Variants in TRAF5 observed in about 807,000 individuals in gnomAD.
TRAF5 encodes the protein TNF receptor-associated factor 5.
Under a neutral mutation model 64.5 loss-of-function variants are expected in TRAF5, and 48 were observed. The observed-to-expected ratio is 0.74, with a 90% confidence interval of 0.59 to 0.95. The LOEUF (loss-of-function observed/expected upper bound fraction) is 0.95, where lower values mean the gene tolerates loss of function less well. TRAF5 is among the 40% of genes least tolerant of loss of function. TRAF5 has a pLI of 0.00. For synonymous variants in TRAF5, 206 were observed against 240.5 expected (o/e 0.86, Z 1.33); for missense variants, 545 against 662.8 (o/e 0.82, Z 1.95).
At chr1:211,348,661 G>T (rs1484023722) in intron 1 of TRAF5, among the ~76,000 whole-genome samples, 1 of 152,106 alleles carries the variant, frequency 6.6e-6, no homozygotes, top group African/African-American at 2.4e-5. Context: ...TGTGAAGGGT[G>T]TCAGGTCTGT....
At position 211,373,433 on chromosome 1, in the gene TRAF5, A is replaced by T. The variant is rs552177351; in HGVS notation, c.*731A>T. 6.6e-6 allele frequency: 1 copy of T among 152,304 alleles called. No individual in the cohort carries two copies. The highest frequency in any genetic ancestry group is 6.5e-5 in the Admixed American group (1 of 15,292). 9.4% of individuals were successfully genotyped at this position (152,304 alleles called of 1,614,324 possible). On this transcript the variant is annotated 3_prime_UTR_variant, in exon 11 of 11. Transcript: ENST00000261464. Reference sequence around the variant, plus strand: ...TGTTAGGTTCAACCCTATGAAAAAAACTATTTTCATAGGTCAAAAATGGTA... The same window carrying T: ...TGTTAGGTTCAACCCTATGAAAAAATCTATTTTCATAGGTCAAAAATGGTA...
At chr1:211,360,228 G>C in intron 5 of TRAF5, 152 bp downstream of exon 5, 1 of 774,948 alleles carries the variant, frequency 1.3e-6, no homozygotes, top group African/African-American at 1.8e-5. Flanking sequence ...GAGAAGTTCT[G>C]TGAAAAGCTT....
At chr1:211,360,265 T>C (rs1703132244) in intron 5 of TRAF5, 189 bp downstream of exon 5, 1 of 603,304 alleles carries the variant, frequency 1.7e-6, no homozygotes, top group Admixed American at 3.0e-5. Flanking sequence ...TAGCACTCCA[T>C]TTATTATTGG....
In TRAF5 at chr1:211,359,996, G is replaced by C; in HGVS notation, c.463G>C (p.Glu155Gln). The C allele has an allele frequency of 6.2e-6, 10 of 1,614,096 alleles. No individual in the cohort carries two copies. Among genetic ancestry groups the C allele is most frequent in the Non-Finnish European group, 8.5e-6 (10 of 1,179,966 alleles). The stretch of plus-strand genomic sequence containing the variant: ...GCCAGTCCTACGGAAAGACCTGAAA[G>C]AGCATTTGAGTGCATCCTGTCAGTT... ...REPVLRKDLKEHLSASCQFRK... is the reference protein window; with the variant it reads ...REPVLRKDLKQHLSASCQFRK... The change falls in exon 5 of 11, where the codon GAG becomes CAG. Residue 155 changes from glutamate (E) to glutamine (Q), a missense_variant. Transcript: ENST00000261464.
At chr1:211,361,601 A>T (rs1306310999) in intron 7 of TRAF5, among the ~76,000 whole-genome samples, 3 of 152,074 alleles carry the variant, frequency 2.0e-5, no homozygotes, top group Non-Finnish European at 4.4e-5. Context: ...ATACCTTCAC[A>T]GCAACATATA....
At chr1:211,351,093 C>T (rs761120930) in intron 1 of TRAF5, among the ~76,000 whole-genome samples, 11 of 135,584 alleles carry the variant, frequency 8.1e-5, no homozygotes, top group Admixed American at 1.7e-4. Context: ...GTGGCGCCAT[C>T]TCAGCTCACT....
At chr1:211,362,049 G>T (rs796130683) in intron 7 of TRAF5, among the ~76,000 whole-genome samples, 7 of 146,320 alleles carry the variant, frequency 4.8e-5, no homozygotes, top group African/African-American at 1.8e-4. Flanking sequence ...ACCTTCTGGG[G>T]TTACTCCTCT....
At chr1:211,367,887 TAAATG>T (rs1394264441) in intron 8 of TRAF5, among the ~76,000 whole-genome samples, 3 of 152,182 alleles carry the variant, frequency 2.0e-5, no homozygotes, top group East Asian at 1.9e-4. Flanking sequence ...GATAAAGAAA[TAAATG>T]AGATGTAGTC....
chr1:211,361,380 GC>G (rs1703174515), intron 7 of TRAF5, among the ~76,000 whole-genome samples: 1 of 152,162 alleles, frequency 6.6e-6, no homozygotes, highest in African/African-American at 2.4e-5. Context: ...AGTTGTGGGG[GC>G]TAGCAAGTCC....
At chr1:211,365,991 C>T (rs140377580) in intron 8 of TRAF5, among the ~76,000 whole-genome samples, 2 of 152,344 alleles carry the variant, frequency 1.3e-5, no homozygotes, top group African/African-American at 4.8e-5. Context: ...CATACATACA[C>T]ACTTATTTCA....
rs564492625 is a variant in TRAF5, at chr1:211,345,812, G to T, written c.-1-7427G>T. Among the ~76,000 whole-genome samples, 3 of 152,294 alleles carry T rather than the reference G, an allele frequency of 2.0e-5. No homozygotes were observed. In the East Asian group the frequency reaches 5.8e-4, roughly 29 times the overall value. ...GAGCACCAGTCACTGTTGAGATGCT[G>T]CCCAGCACCCAGGGATCGGGGAGAG... On this transcript the variant is annotated intron_variant, in intron 1 of 10. Coordinates refer to ENST00000261464, the MANE Select transcript of TRAF5 (RefSeq NM_001033910.3).
At chr1:211,332,436 CT>C in intron 1 of TRAF5, among the ~76,000 whole-genome samples, 1 of 152,166 alleles carries the variant, frequency 6.6e-6, no homozygotes, top group Middle Eastern at 3.4e-3. Context: ...TGTTCTAAGG[CT>C]TCTGTTAGGG....
chr1:211,330,066 A>C (rs1702116634), intron 1 of TRAF5, among the ~76,000 whole-genome samples: 1 of 152,238 alleles, frequency 6.6e-6, no homozygotes, highest in South Asian at 2.1e-4. Context: ...AGAGGAACTC[A>C]GTCTGTTTAC....
intron 1 of TRAF5, among the ~76,000 whole-genome samples, chr1:211,342,899 T>C (rs144425128): frequency 8.5e-5 from 13 of 152,362 alleles, no homozygotes; most frequent in African/African-American, 3.1e-4. Flanking sequence ...CATCTGTTGA[T>C]AGATGCTTAG....
At chr1:211,353,685 G>T (rs1158518938) in intron 2 of TRAF5, 2 of 550,424 alleles carry the variant, frequency 3.6e-6, no homozygotes, top group Non-Finnish European at 6.5e-6. Context: ...GACTGTACCT[G>T]CTTTGCATGG....
intron 1 of TRAF5, chr1:211,346,340 A>C: frequency 1.0e-6 from 1 of 985,340 alleles, no homozygotes; most frequent in Non-Finnish European, 1.2e-6. Context: ...CAGCCTCTGC[A>C]TTCTCAGGAC....
chr1:211,372,496 A>G lies in TRAF5; in HGVS notation c.1468A>G (p.Ser490Gly), dbSNP rs1361852226. ...GGTGACCCTGATGCTTCTGGACCAG[A>G]GTGGCAAAAAGAACATTATGGAGAC... ...QRVTLMLLDQSGKKNIMETFK... is the reference protein window; with the variant it reads ...QRVTLMLLDQGGKKNIMETFK... The change falls in exon 11 of 11, where the codon AGT becomes GGT. Residue 490 changes from serine to glycine, a missense_variant. Transcript: ENST00000261464. 1.2e-6 allele frequency: 2 copies of G among 1,614,072 alleles called. No homozygotes were observed. Among genetic ancestry groups the G allele is most frequent in the African/African-American group, 1.3e-5 (1 of 74,934 alleles).
chr1:211,374,480 T>G lies in TRAF5; in HGVS notation c.*1778T>G, dbSNP rs560192743. ...CTCTTCTGTGGGATTTTCAAAATGC[T>G]AAAGACTCACACTGCAGCAATCATC... On this transcript the variant is annotated 3_prime_UTR_variant, in exon 11 of 11. Coordinates refer to ENST00000261464, the MANE Select transcript of TRAF5 (RefSeq NM_001033910.3). 6.6e-6 allele frequency: 1 copy of G among 152,340 alleles called. No individual in the cohort carries two copies. The highest frequency in any genetic ancestry group is 1.9e-4 in the East Asian group (1 of 5,188). The allele number at this position is 152,340 out of a possible 1,614,324, so 9.4% of individuals were successfully genotyped here.
At chr1:211,345,794 A>G (rs1017057665) in intron 1 of TRAF5, among the ~76,000 whole-genome samples, 5 of 152,188 alleles carry the variant, frequency 3.3e-5, no homozygotes, top group Non-Finnish European at 5.9e-5. Context: ...GAGGAGCACC[A>G]GTCACTGTTG....
Sources: gnomAD v4.1 joint callset for allele counts (sites outside exome capture counted in the v4.1 genomes callset) on GRCh38, gnomAD v4.1.1 for gene constraint, MANE v1.5 for transcripts, NCBI Gene and HGNC (gene_info 2026-07-23, HGNC 2026-07-21) for gene names.